The following TEAD1 variants were observed in gnomAD, a reference collection of about 807,000 sequenced individuals.
The protein encoded by TEAD1 is transcriptional enhancer factor TEF-1.
In TEAD1, 9 loss-of-function variants were observed where a neutral mutation model predicts 54.9. The observed-to-expected ratio is 0.16, with a 90% CI of 0.10 to 0.29. The LOEUF (loss-of-function observed/expected upper bound fraction) is 0.29. Among genes scored for constraint, TEAD1 ranks in the 10% least tolerant of loss-of-function variants. TEAD1 has a pLI of 1.00. For synonymous variants in TEAD1, 200 were observed against 187.8 expected (o/e 1.07, Z -0.53); for missense variants, 387 against 535.9 (o/e 0.72, Z 2.74).
At chr11:12,767,014 C>T (rs1945220822) in intron 3 of TEAD1, among the ~76,000 whole-genome samples, 1 of 152,166 alleles carries the variant, frequency 6.6e-6, no homozygotes, top group Non-Finnish European at 1.5e-5. Context: ...TTTGCTTCTA[C>T]TGCTACCTTG....
rs1197843523 is a variant in TEAD1 at position 12,940,334 on chromosome 11, G to C, written c.*3112G>C. The C allele has an allele frequency of 6.6e-6, 1 of 152,160 alleles. No homozygotes were observed. Among genetic ancestry groups the C allele is most frequent in the Non-Finnish European group, 1.5e-5 (1 of 68,048 alleles). 9.4% of individuals were successfully genotyped at this position (152,160 alleles called of 1,614,324 possible). ...TACTAATATCCCTGGCCTCTACCCA[G>C]TAGTACCACTAGCACCTATTCCCCA... On this transcript the variant is annotated 3_prime_UTR_variant, in exon 13 of 13. Transcript: ENST00000527636.
At chr11:12,744,859 G>A (rs1944715337) in intron 2 of TEAD1, among the ~76,000 whole-genome samples, 1 of 152,206 alleles carries the variant, frequency 6.6e-6, no homozygotes, top group African/African-American at 2.4e-5. Context: ...CTCGCGTTGA[G>A]GCACCTGGCT....
intron 11 of TEAD1, among the ~76,000 whole-genome samples, chr11:12,926,490 C>CA (rs1393127542): frequency 2.9e-4 from 44 of 152,184 alleles, no homozygotes; most frequent in African/African-American, 9.9e-4. Context: ...AAGTCACACT[C>CA]ACATTTTATG....
At chr11:12,775,511 A>G (rs1945398719) in intron 3 of TEAD1, among the ~76,000 whole-genome samples, 1 of 152,032 alleles carries the variant, frequency 6.6e-6, no homozygotes, top group South Asian at 2.1e-4. Flanking sequence ...CTGATTTATT[A>G]TTGTTGTTAT....
chr11:12,704,390 A>G (rs985042849), intron 2 of TEAD1, among the ~76,000 whole-genome samples: 17 of 152,184 alleles, frequency 1.1e-4, no homozygotes, highest in African/African-American at 3.6e-4. Flanking sequence ...TGGCCAGTCA[A>G]CCATGTTCTT....
chr11:12,836,814 G>A (rs933686934), intron 3 of TEAD1, among the ~76,000 whole-genome samples: 2 of 152,084 alleles, frequency 1.3e-5, no homozygotes, highest in African/African-American at 2.4e-5. Context: ...ACTGCATCAC[G>A]GACTTAGCAG....
intron 2 of TEAD1, among the ~76,000 whole-genome samples, chr11:12,743,786 C>T (rs1479690841): frequency 6.6e-6 from 1 of 152,150 alleles, no homozygotes; most frequent in African/African-American, 2.4e-5. Flanking sequence ...AAATATTTAA[C>T]AGCCAGTCCA....
intron 6 of TEAD1, 31 bp from the exon 7 acceptor site, chr11:12,880,974 A>T (rs773645252): frequency 3.7e-6 from 6 of 1,613,842 alleles, no homozygotes; most frequent in Non-Finnish European, 5.1e-6. Context: ...GTAAACTCGT[A>T]ATTCTGAGGC....
At chr11:12,851,815 A>AG (rs1590211993) in intron 3 of TEAD1, among the ~76,000 whole-genome samples, 1 of 151,718 alleles carries the variant, frequency 6.6e-6, no homozygotes, top group East Asian at 1.9e-4. Flanking sequence ...AAAAAAAAAA[A>AG]CTATTTATTG....
intron 3 of TEAD1, among the ~76,000 whole-genome samples, chr11:12,802,876 A>G (rs1029704245): frequency 2.6e-5 from 4 of 152,082 alleles, no homozygotes; most frequent in Non-Finnish European, 5.9e-5. Context: ...GTCCAAAAAC[A>G]TTGTCTAGTT....
In TEAD1 at chr11:12,944,631, C is replaced by T. The variant is rs1348079657; in HGVS notation, c.*7409C>T. 1 of 152,576 alleles carries T rather than the reference C, an allele frequency of 6.6e-6. No homozygotes were observed. The highest frequency in any genetic ancestry group is 1.9e-4 in the East Asian group (1 of 5,204). 9.5% of individuals were successfully genotyped at this position (152,576 alleles called of 1,614,324 possible). ...GTGTTTTCATGTCTTTGCAAAGTGA[C>T]ACATTTTGATGCCTTCTTGATAAAG... On this transcript the variant is annotated 3_prime_UTR_variant, in exon 13 of 13. Transcript: ENST00000527636.
intron 3 of TEAD1, among the ~76,000 whole-genome samples, chr11:12,839,595 C>A (rs781348318): frequency 6.6e-6 from 1 of 152,064 alleles, no homozygotes; most frequent in Non-Finnish European, 1.5e-5. Context: ...AAGCTCCTGC[C>A]GTGTAGTAGT....
At position 12,860,173 on chromosome 11, in the gene TEAD1, TA is replaced by T. The variant is rs1240937539; in HGVS notation, c.203-2074del. Among the ~76,000 whole-genome samples the T allele has an allele frequency of 3.3e-5, 5 of 152,240 alleles. No individual in the cohort carries two copies. In the South Asian group the frequency reaches 6.2e-4, roughly 19 times the overall value. ...CTGCTGTTAATATCTGAAAGGCAGT[TA>T]AATAAATAAGGGACTGGACTTCTTG... On this transcript the variant is annotated intron_variant, in intron 3 of 12. Coordinates refer to ENST00000527636, the MANE Select transcript of TEAD1 (RefSeq NM_021961.6).
intron 9 of TEAD1, among the ~76,000 whole-genome samples, chr11:12,884,180 C>G (rs1948038011): frequency 1.3e-5 from 2 of 152,074 alleles, no homozygotes; most frequent in Non-Finnish European, 2.9e-5. Flanking sequence ...CCAGGCATTT[C>G]CCATACATAT....
At chr11:12,825,012 C>A (rs1367825746) in intron 3 of TEAD1, among the ~76,000 whole-genome samples, 1 of 152,144 alleles carries the variant, frequency 6.6e-6, no homozygotes, top group Non-Finnish European at 1.5e-5. Flanking sequence ...TAATTTAAAA[C>A]ACACACTCAT....
At chr11:12,856,724 C>G (rs998190206) in intron 3 of TEAD1, among the ~76,000 whole-genome samples, 2 of 152,184 alleles carry the variant, frequency 1.3e-5, no homozygotes, top group Non-Finnish European at 2.9e-5. Flanking sequence ...CTCACACATC[C>G]TTCCCAGTGA....
chr11:12,860,243 C>T (rs1947470692), intron 3 of TEAD1, among the ~76,000 whole-genome samples: 1 of 152,122 alleles, frequency 6.6e-6, no homozygotes, highest in Non-Finnish European at 1.5e-5. Context: ...TTAAAGCAGA[C>T]CCCCAAAAGG....
chr11:12,776,950 A>G (rs1945435881), intron 3 of TEAD1, among the ~76,000 whole-genome samples: 2 of 151,852 alleles, frequency 1.3e-5, no homozygotes, highest in South Asian at 4.2e-4. Context: ...ATGCACCACC[A>G]TGCTCGGCTA....
At chr11:12,736,724 A>G (rs1372766578) in intron 2 of TEAD1, among the ~76,000 whole-genome samples, 3 of 152,212 alleles carry the variant, frequency 2.0e-5, no homozygotes, top group Non-Finnish European at 2.9e-5. Context: ...TCCATTCACA[A>G]AGAAATACAG....
Sources: gnomAD v4.1 joint callset for allele counts (sites outside exome capture counted in the v4.1 genomes callset) on GRCh38, gnomAD v4.1.1 for gene constraint, MANE v1.5 for transcripts, NCBI Gene and HGNC (gene_info 2026-07-23, HGNC 2026-07-21) for gene names.